The following PRELID2 variants were observed in gnomAD, a reference collection of about 807,000 sequenced individuals.
PRELID2 encodes PRELI domain containing 2, also known as PRELI domain-containing protein 2.
PRELID2 carries 25 observed loss-of-function variants against 28.4 expected under a neutral mutation model. The ratio of observed to expected loss-of-function variants is 0.88; its 90% CI spans 0.64 to 1.23. PRELID2 has a LOEUF of 1.23. PRELID2 is among the 50% of genes most tolerant of loss of function. The pLI is 0.00. For missense variants in PRELID2, 201 were observed against 214.4 expected (o/e 0.94, Z 0.39); for synonymous variants, 76 against 71.6 (o/e 1.06, Z -0.31).
At chr5:145,461,541 A>G in the PRELID2 span, among the ~76,000 whole-genome samples, 2 of 152,164 alleles carry the variant, frequency 1.3e-5, no homozygotes, top group Non-Finnish European at 2.9e-5. Context: ...TGACCTTGTG[A>G]TCTGCCCACC....
intron 1 of PRELID2, among the ~76,000 whole-genome samples, chr5:145,666,406 A>G (rs982412918): frequency 5.9e-5 from 9 of 152,082 alleles, no homozygotes; most frequent in African/African-American, 2.2e-4. Context: ...CAGAGCTACA[A>G]TGGGAAAGAC....
At chr5:145,437,422 T>C in the PRELID2 span, among the ~76,000 whole-genome samples, 2 of 152,138 alleles carry the variant, frequency 1.3e-5, no homozygotes, top group Non-Finnish European at 2.9e-5. Flanking sequence ...ATTTACCTAA[T>C]TCCCAAAGAA....
At chr5:145,452,112 T>C in the PRELID2 span, among the ~76,000 whole-genome samples, 1 of 152,146 alleles carries the variant, frequency 6.6e-6, no homozygotes. Context: ...TTCCCAGACA[T>C]ATCCTTCTAT....
chr5:145,679,857 C>T (rs939255849), intron 1 of PRELID2, among the ~76,000 whole-genome samples: 1 of 148,880 alleles, frequency 6.7e-6, no homozygotes, highest in Non-Finnish European at 1.5e-5. Context: ...ATTCATAATA[C>T]ATTTATACAA....
At chr5:145,792,649 A>G (rs951090468) in intron 5 of PRELID2, among the ~76,000 whole-genome samples, 1 of 152,176 alleles carries the variant, frequency 6.6e-6, no homozygotes, top group Non-Finnish European at 1.5e-5. Flanking sequence ...CATAGGTGAC[A>G]CCCAAAAAGT....
chr5:145,829,160 C>A (rs1185880828), intron 1 of PRELID2, among the ~76,000 whole-genome samples: 1 of 152,086 alleles, frequency 6.6e-6, no homozygotes, highest in Non-Finnish European at 1.5e-5. Flanking sequence ...CTAGGCCTTG[C>A]AAAGTGCTTG....
chr5:145,363,482 C>G, the PRELID2 span, among the ~76,000 whole-genome samples: 1 of 151,980 alleles, frequency 6.6e-6, no homozygotes, highest in African/African-American at 2.4e-5. Context: ...TAAGAAAGCC[C>G]ATAAGTCTCA....
At chr5:145,333,783 A>G in the PRELID2 span, among the ~76,000 whole-genome samples, 9 of 144,336 alleles carry the variant, frequency 6.2e-5, no homozygotes, top group South Asian at 2.3e-4. Flanking sequence ...GTGATCAGTT[A>G]TGTCTCACTG....
intron 1 of PRELID2, among the ~76,000 whole-genome samples, chr5:145,650,755 C>T (rs900938666): frequency 3.3e-5 from 5 of 151,654 alleles, no homozygotes; most frequent in Non-Finnish European, 7.4e-5. Context: ...TTCTGTGATA[C>T]CTCATGAAAA....
intron 4 of PRELID2, among the ~76,000 whole-genome samples, chr5:145,816,451 A>G (rs1026056632): frequency 5.9e-5 from 9 of 152,074 alleles, no homozygotes; most frequent in African/African-American, 2.2e-4. Context: ...AATTTTATCT[A>G]TTTTTAATTT....
chr5:145,230,943 T>G, the PRELID2 span, among the ~76,000 whole-genome samples: 1 of 152,218 alleles, frequency 6.6e-6, no homozygotes, highest in Non-Finnish European at 1.5e-5. Flanking sequence ...GTAGCTGGCT[T>G]CTTTCTGGAG....
intron 1 of PRELID2, among the ~76,000 whole-genome samples, chr5:145,625,036 T>C (rs1188561938): frequency 3.3e-5 from 5 of 152,168 alleles, no homozygotes; most frequent in Admixed American, 1.3e-4. Context: ...TTTATACTTA[T>C]CAGAAACACA....
chr5:145,491,328 C>T (rs1241783520), intron 1 of PRELID2, among the ~76,000 whole-genome samples: 1 of 152,032 alleles, frequency 6.6e-6, no homozygotes, highest in African/African-American at 2.4e-5. Flanking sequence ...TCCCTTGGGC[C>T]TCTTATATCA....
chr5:145,317,264 T>C, the PRELID2 span, among the ~76,000 whole-genome samples: 18 of 152,336 alleles, frequency 1.2e-4, no homozygotes, highest in Non-Finnish European at 2.1e-4. Context: ...GGGGTTACTC[T>C]AGAAGTTGAA....
intron 1 of PRELID2, among the ~76,000 whole-genome samples, chr5:145,541,086 G>A (rs903068879): frequency 1.4e-4 from 21 of 152,030 alleles, no homozygotes; most frequent in African/African-American, 5.1e-4. Context: ...GTAGGTATAT[G>A]AGGATTCTTT....
chr5:145,527,470 CA>C (rs1210997044), intron 1 of PRELID2, among the ~76,000 whole-genome samples: 2 of 152,094 alleles, frequency 1.3e-5, no homozygotes, highest in African/African-American at 4.8e-5. Flanking sequence ...ACAGTTATCT[CA>C]AAATAAAAAG....
the PRELID2 span, among the ~76,000 whole-genome samples, chr5:145,459,438 C>T: frequency 6.6e-6 from 1 of 151,830 alleles, no homozygotes; most frequent in Non-Finnish European, 1.5e-5. Context: ...TATAGTATAC[C>T]TAGAAAAGTC....
intron 1 of PRELID2, among the ~76,000 whole-genome samples, chr5:145,629,514 T>C (rs1581013144): frequency 6.6e-6 from 1 of 152,096 alleles, no homozygotes; most frequent in Admixed American, 6.5e-5. Flanking sequence ...AACAGGCAGG[T>C]CTATGACAGG....
At chr5:145,415,774 A>G in the PRELID2 span, among the ~76,000 whole-genome samples, 1 of 152,010 alleles carries the variant, frequency 6.6e-6, no homozygotes, top group Non-Finnish European at 1.5e-5. Context: ...AGCATGATTT[A>G]TAGTCCTTTG....
Sources: allele counts gnomAD v4.1 joint callset (sites outside exome capture counted in the v4.1 genomes callset), GRCh38; gene constraint gnomAD v4.1.1; transcripts MANE v1.5; gene names NCBI Gene and HGNC (gene_info 2026-07-23, HGNC 2026-07-21).